Variants in MORF4L1 observed in about 807,000 individuals in gnomAD.
MORF4L1 encodes mortality factor 4-like protein 1.
Under a neutral mutation model 52.9 loss-of-function variants are expected in MORF4L1, and 4 were observed. The ratio of observed to expected loss-of-function variants is 0.08; its 90% CI spans 0.04 to 0.17. The LOEUF (loss-of-function observed/expected upper bound fraction) is 0.17, where lower values mean the gene tolerates loss of function less well. Ranked by LOEUF, MORF4L1 falls within the 10% of genes least tolerant of loss-of-function variation. The pLI is 1.00. For synonymous variants in MORF4L1, 123 were observed against 134.8 expected, an observed-to-expected ratio of 0.91 and a Z score of 0.61; for missense variants, 214 against 390.4, an observed-to-expected ratio of 0.55 and a Z score of 3.81.
In MORF4L1 at chr15:78,872,901, A is replaced by G. The variant is rs982703891; in HGVS notation, c.-117A>G. On this transcript the variant is annotated 5_prime_UTR_variant, in exon 1 of 12. Coordinates refer to ENST00000426013, the MANE Select transcript of MORF4L1 (RefSeq NM_006791.4). Reference sequence around the variant, plus strand: ...CTGCGGGCGCTGGCAAATCCGGCCCAGGATGTAGAGCTGGCAGTGCCTGAC... The same window carrying G: ...CTGCGGGCGCTGGCAAATCCGGCCCGGGATGTAGAGCTGGCAGTGCCTGAC... 1 of 1,451,430 alleles carries G rather than the reference A, an allele frequency of 6.9e-7. No homozygotes were observed. The highest frequency in any genetic ancestry group is 1.5e-5 in the African/African-American group (1 of 66,366). The allele number at this position is 1,451,430 out of a possible 1,614,324, so 89.9% of individuals were successfully genotyped here. A position where few individuals can be genotyped will look rare whatever the true frequency, so the allele number is the denominator to read the frequency against.
intron 3 of MORF4L1, among the ~76,000 whole-genome samples, chr15:78,881,315 C>A (rs1360282035): frequency 1.3e-5 from 2 of 150,312 alleles, no homozygotes; most frequent in Non-Finnish European, 2.9e-5. Flanking sequence ...CCTGCCTCAG[C>A]CTCCTGAGTA....
rs1427032096 is a variant in MORF4L1, at chr15:78,893,640, A to G, written c.629+13A>G. 1 of 1,503,756 alleles carries G rather than the reference A, an allele frequency of 6.7e-7. No individual in the cohort carries two copies. Among genetic ancestry groups the G allele is most frequent in the Middle Eastern group, 1.7e-4 (1 of 5,762 alleles). The allele number at this position is 1,503,756 out of a possible 1,614,324, so 93.2% of individuals were successfully genotyped here. The stretch of plus-strand genomic sequence containing the variant: ...ACACAGATAATAAGTAAGAATATAC[A>G]TTTTTCAGATGACACTCAAAAGACA... On this transcript the variant is annotated intron_variant, in intron 9 of 11. Coordinates refer to ENST00000426013, the MANE Select transcript of MORF4L1 (RefSeq NM_006791.4).
intron 1 of MORF4L1, among the ~76,000 whole-genome samples, chr15:78,873,398 G>T (rs566429048): frequency 1.3e-5 from 2 of 152,046 alleles, no homozygotes; most frequent in Non-Finnish European, 2.9e-5. Flanking sequence ...GCGGCGGTTA[G>T]GGGAAGTGAT....
At chr15:78,880,616 C>G (rs759597904) in intron 3 of MORF4L1, 37 bp downstream of exon 3, 5 of 1,449,020 alleles carry the variant, frequency 3.5e-6, no homozygotes, top group South Asian at 2.4e-5. Context: ...TTGTAATTAA[C>G]AAGATAGCTT....
chr15:78,875,580 CCAGCCTGGT>C (rs879737858), intron 1 of MORF4L1, among the ~76,000 whole-genome samples: 28 of 145,006 alleles, frequency 1.9e-4, no homozygotes, highest in Non-Finnish European at 3.5e-4. Flanking sequence ...CGGTTCGAGA[CCAGCCTGGT>C]CAGCCTGGTG....
intron 1 of MORF4L1, among the ~76,000 whole-genome samples, chr15:78,875,327 T>C (rs1024506591): frequency 6.6e-6 from 1 of 152,166 alleles, no homozygotes; most frequent in Non-Finnish European, 1.5e-5. Context: ...TTGTGCCGTT[T>C]TAAGTGGGGT....
rs2056861054 is a variant in MORF4L1 at position 78,894,886 on chromosome 15, A to G, written c.869A>G (p.Tyr290Cys). 1 of 1,612,818 alleles carries G rather than the reference A, an allele frequency of 6.2e-7. No homozygotes were observed. Among genetic ancestry groups the G allele is most frequent in the African/African-American group, 1.3e-5 (1 of 74,902 alleles). The part of the protein sequence containing the change: ...DEKSLALLLN[Y>C]LHDFLKYLAK... Reference sequence around the variant, plus strand: ...AAGAGCCTTGCTTTATTACTCAATTATCTTCACGATTTCCTAAAGTAAGTC... The same window carrying G: ...AAGAGCCTTGCTTTATTACTCAATTGTCTTCACGATTTCCTAAAGTAAGTC... Residue 290 changes from tyrosine to cysteine, a missense_variant, in exon 11 of 12, where the codon TAT becomes TGT. Coordinates refer to ENST00000426013, the MANE Select transcript of MORF4L1 (RefSeq NM_006791.4).
intron 3 of MORF4L1, chr15:78,885,037 G>C (rs1216395463): frequency 6.2e-7 from 1 of 1,614,038 alleles, no homozygotes; most frequent in East Asian, 2.2e-5. Flanking sequence ...CCTTTTTCCT[G>C]TTCCTGAAGG....
At chr15:78,879,432 G>A (rs2056558379) in intron 2 of MORF4L1, among the ~76,000 whole-genome samples, 2 of 152,054 alleles carry the variant, frequency 1.3e-5, no homozygotes, top group Admixed American at 1.3e-4. Flanking sequence ...ATGTTGACCA[G>A]GCTGGTCTTG....
At chr15:78,875,788 A>C (rs985188988) in intron 1 of MORF4L1, among the ~76,000 whole-genome samples, 1 of 15,186 alleles carries the variant, frequency 6.6e-5, no homozygotes, top group Non-Finnish European at 8.4e-4. Flanking sequence ...TCCATTTCAA[A>C]AAAAAAAAAA....
intron 1 of MORF4L1, 161 bp from the exon 2 acceptor site, chr15:78,878,052 G>C (rs1418451905): frequency 1.9e-6 from 1 of 529,504 alleles, no homozygotes; most frequent in African/African-American, 1.9e-5. Context: ...TTGTCGTAGG[G>C]TATAGTTGAA....
At position 78,886,221 on chromosome 15, in the gene MORF4L1, C is replaced by T. The variant is rs2056700528; in HGVS notation, c.236C>T (p.Ala79Val). Reference sequence around the variant, plus strand: ...CAGAAACAGCGAGAACTTCAAAAAGCCAATCAGTAAGTTTGTTTTGTGAAC... The same window carrying T: ...CAGAAACAGCGAGAACTTCAAAAAGTCAATCAGTAAGTTTGTTTTGTGAAC... ...NLQKQRELQK[A>V]NQEQYAEGKM... The change falls in exon 4 of 12, where the codon GCC (alanine) becomes GTC (valine). Residue 79 changes from alanine (A) to valine (V), a missense_variant. This residue lies in a region of MORF4L1 where 84 missense variants were observed against 116.3 expected (regional missense o/e 0.72). Transcript: ENST00000426013. 2 of 1,612,604 alleles carry T rather than the reference C, an allele frequency of 1.2e-6. No individual in the cohort carries two copies. The highest frequency in any genetic ancestry group is 4.5e-5 in the East Asian group (2 of 44,870).
At chr15:78,876,683 A>G in intron 1 of MORF4L1, 1 of 407,028 alleles carries the variant, frequency 2.5e-6, no homozygotes, top group South Asian at 1.7e-5. Context: ...TTAGCAGTAT[A>G]GTTTACCCAT....
intron 5 of MORF4L1, among the ~76,000 whole-genome samples, chr15:78,888,639 G>A (rs1306503224): frequency 6.6e-6 from 1 of 152,130 alleles, no homozygotes; most frequent in Non-Finnish European, 1.5e-5. Flanking sequence ...GCTTTGGGAG[G>A]CTGAGGTGGG....
At chr15:78,894,264 T>G (rs1370305445) in intron 10 of MORF4L1, 34 bp downstream of exon 10, 1 of 1,538,052 alleles carries the variant, frequency 6.5e-7, no homozygotes, top group East Asian at 2.3e-5. Flanking sequence ...TGGATTTTAC[T>G]TTTTGGGGGG....
chr15:78,894,960 G>A, intron 11 of MORF4L1, 56 bp downstream of exon 11: 2 of 1,356,884 alleles, frequency 1.5e-6, no homozygotes, highest in Non-Finnish European at 2.1e-6. Context: ...TGTAATGGGA[G>A]GGATTGGCAG....
At chr15:78,887,975 C>T (rs1333201396) in intron 5 of MORF4L1, among the ~76,000 whole-genome samples, 1 of 152,194 alleles carries the variant, frequency 6.6e-6, no homozygotes, top group Non-Finnish European at 1.5e-5. Context: ...GATGGAGTTT[C>T]ACCATGTTGG....
chr15:78,891,135 C>T (rs1319623966), intron 6 of MORF4L1, 121 bp downstream of exon 6: 4 of 1,188,260 alleles, frequency 3.4e-6, no homozygotes, highest in African/African-American at 1.5e-5. Context: ...AAATAGGAGT[C>T]TCACAGCAGT....
chr15:78,888,818 G>T (rs995775137), intron 5 of MORF4L1, among the ~76,000 whole-genome samples: 1 of 152,104 alleles, frequency 6.6e-6, no homozygotes, highest in African/African-American at 2.4e-5. Context: ...TTGGTGAGAA[G>T]ATAATTGGCA....
Sources: allele counts gnomAD v4.1 joint callset (sites outside exome capture counted in the v4.1 genomes callset), GRCh38; gene constraint gnomAD v4.1.1; regional missense constraint gnomAD v4.1.1; transcripts MANE v1.5; gene names NCBI Gene and HGNC (gene_info 2026-07-23, HGNC 2026-07-21).